The following CPO variants were observed in gnomAD, a reference collection of about 807,000 sequenced individuals.
CPO encodes metallocarboxypeptidase C.
CPO carries 43 observed loss-of-function variants against 41.2 expected under a neutral mutation model. The observed-to-expected ratio is 1.04, with a 90% CI of 0.82 to 1.35. The LOEUF (loss-of-function observed/expected upper bound fraction) is 1.35, where lower values mean the gene tolerates loss of function less well. Ranked by LOEUF, CPO falls within the 40% of genes most tolerant of loss-of-function variation. The pLI, the probability that CPO is intolerant of heterozygous loss-of-function variation, is 0.00. For synonymous variants in CPO, 178 were observed against 162.7 expected, an observed-to-expected ratio of 1.09 and a Z score of -0.72; for missense variants, 408 against 451.7, an observed-to-expected ratio of 0.90 and a Z score of 0.88.
At chr2:206,953,565 G>A (rs550502590) in intron 2 of CPO, among the ~76,000 whole-genome samples, 3 of 152,362 alleles carry the variant, frequency 2.0e-5, no homozygotes, top group South Asian at 2.1e-4. Context: ...CCCACTCCTG[G>A]CTGCTTTCAT....
At chr2:206,953,530 TC>T (rs1485354034) in intron 2 of CPO, among the ~76,000 whole-genome samples, 2 of 152,258 alleles carry the variant, frequency 1.3e-5, no homozygotes, top group Non-Finnish European at 2.9e-5. Flanking sequence ...GGACATTCTG[TC>T]CCTGTGCCTT....
chr2:206,939,768 C>T, intron 1 of CPO, 101 bp downstream of exon 1: 2 of 856,622 alleles, frequency 2.3e-6, no homozygotes, highest in Non-Finnish European at 3.8e-6. Flanking sequence ...TCCTTCCTTG[C>T]TACTCATATA....
chr2:206,962,756 CACCT>C, intron 7 of CPO, 142 bp downstream of exon 7: 1 of 669,350 alleles, frequency 1.5e-6, no homozygotes, highest in Non-Finnish European at 2.6e-6. Context: ...CCTGCTTTTG[CACCT>C]TGCCAGACGC....
chr2:206,951,373 A>G (rs1161499672), intron 2 of CPO, among the ~76,000 whole-genome samples: 1 of 152,238 alleles, frequency 6.6e-6, no homozygotes, highest in Admixed American at 6.5e-5. Context: ...GTGTGTATGT[A>G]TGTGACATTA....
At chr2:206,961,937 C>CA (rs1169557391) in intron 6 of CPO, among the ~76,000 whole-genome samples, 3,894 of 140,068 alleles carry the variant, frequency 0.028, 117 homozygotes, top group African/African-American at 0.077. Flanking sequence ...CTAAAAATAC[C>CA]AAAAAAAAAA....
chr2:206,961,995 G>A (rs1574355265), intron 6 of CPO, among the ~76,000 whole-genome samples: 1 of 151,488 alleles, frequency 6.6e-6, no homozygotes, highest in African/African-American at 2.4e-5. Flanking sequence ...AGCTACTGGG[G>A]AGGCTGAGGC....
At chr2:206,943,674 T>TGATAGATA (rs71987761) in intron 1 of CPO, among the ~76,000 whole-genome samples, 2,219 of 106,474 alleles carry the variant, frequency 0.021, 43 homozygotes, top group Middle Eastern at 0.051. Flanking sequence ...GATAGATAGA[T>TGATAGATA]GATAGATAGA....
At chr2:206,960,295 T>A (rs770790116) in intron 5 of CPO, among the ~76,000 whole-genome samples, 12 of 152,130 alleles carry the variant, frequency 7.9e-5, no homozygotes, top group Non-Finnish European at 1.2e-4. Flanking sequence ...TTTCCATTGC[T>A]CCCCTAAGGA....
chr2:206,955,306 A>G (rs960283325), intron 2 of CPO, among the ~76,000 whole-genome samples, 157 bp from the exon 3 acceptor site: 3 of 152,220 alleles, frequency 2.0e-5, no homozygotes, highest in Admixed American at 6.5e-5. Flanking sequence ...AAAGGGAAAG[A>G]TGGGAGGTTG....
chr2:206,945,953 TA>T (rs1174776772), intron 1 of CPO, among the ~76,000 whole-genome samples: 2 of 148,476 alleles, frequency 1.3e-5, no homozygotes, highest in African/African-American at 4.9e-5. Context: ...AATAAATAAA[TA>T]TTTAAAAAAA....
chr2:206,958,273 A>G, intron 3 of CPO, 28 bp from the exon 4 acceptor site: 1 of 1,203,938 alleles, frequency 8.3e-7, no homozygotes, highest in Non-Finnish European at 1.2e-6. Context: ...GCAATTGTTT[A>G]GTAATGGGGC....
intron 1 of CPO, among the ~76,000 whole-genome samples, chr2:206,944,345 A>G (rs1693100580): frequency 6.6e-6 from 1 of 151,954 alleles, no homozygotes; most frequent in Admixed American, 6.6e-5. Flanking sequence ...TTCTTTACAA[A>G]ATGATCATCT....
At chr2:206,953,307 T>A (rs1029270123) in intron 2 of CPO, among the ~76,000 whole-genome samples, 1 of 152,182 alleles carries the variant, frequency 6.6e-6, no homozygotes, top group Non-Finnish European at 1.5e-5. Context: ...AGCAAGTTAG[T>A]TACTTCCTAG....
At chr2:206,940,246 A>T (rs1298068252) in intron 1 of CPO, among the ~76,000 whole-genome samples, 1 of 152,132 alleles carries the variant, frequency 6.6e-6, no homozygotes, top group Admixed American at 6.6e-5. Context: ...TAATGCTGTG[A>T]TGAGCAACCA....
At chr2:206,941,203 A>G (rs1400369161) in intron 1 of CPO, among the ~76,000 whole-genome samples, 4 of 151,910 alleles carry the variant, frequency 2.6e-5, no homozygotes, top group Non-Finnish European at 5.9e-5. Flanking sequence ...TATAATATAT[A>G]TATTCTAATA....
rs752377148 is a variant in CPO, at chr2:206,958,728, G to GTTTTTTT, written c.372+347_372+353dup. 3.4e-4 allele frequency among the ~76,000 whole-genome samples: 18 copies of GTTTTTTT among 53,334 alleles called. 1 individual carries two copies. Among genetic ancestry groups the GTTTTTTT allele is most frequent in the African/African-American group, 8.2e-4 (12 of 14,624 alleles). 35.0% of individuals were successfully genotyped at this position (53,334 alleles called of 152,430 possible). ...CTAATAGTATTTGGCAAATTTTCTA[G>GTTTTTTT]TTTTTTTTTTTTTTTTTTTTTTTTT... On this transcript the variant is annotated intron_variant, in intron 4 of 8. Coordinates refer to ENST00000272852, the MANE Select transcript of CPO (RefSeq NM_173077.3).
chr2:206,950,380 A>G (rs11902678), intron 2 of CPO, among the ~76,000 whole-genome samples: 69,844 of 151,980 alleles, frequency 0.46, 16,467 homozygotes, highest in African/African-American at 0.51. Context: ...ACAACAATGA[A>G]ATACCATCTC....
At chr2:206,957,845 T>C (rs1693400800) in intron 3 of CPO, among the ~76,000 whole-genome samples, 1 of 152,214 alleles carries the variant, frequency 6.6e-6, no homozygotes, top group Admixed American at 6.5e-5. Context: ...ATTTGAAATT[T>C]CAAGAATTTT....
At position 206,951,520 on chromosome 2, in the gene CPO, A is replaced by G. The variant is rs151083256; in HGVS notation, c.165+1807A>G. On this transcript the variant is annotated intron_variant, in intron 2 of 8. Coordinates refer to ENST00000272852, the MANE Select transcript of CPO (RefSeq NM_173077.3). ...CAATTTATTCTCTCAGCATTTAGGA[A>G]TATATTCATATTTTCCAGACTTTTT... Among the ~76,000 whole-genome samples, 5 of 152,352 alleles carry G rather than the reference A, an allele frequency of 3.3e-5. No homozygotes were observed. The East Asian group carries it at 7.7e-4, about 23-fold the overall frequency.
Sources: gnomAD v4.1 joint callset for allele counts (sites outside exome capture counted in the v4.1 genomes callset) on GRCh38, gnomAD v4.1.1 for gene constraint, MANE v1.5 for transcripts, NCBI Gene and HGNC (gene_info 2026-07-23, HGNC 2026-07-21) for gene names.